Variants in PCARE observed in about 807,000 individuals in gnomAD.
The protein encoded by PCARE is uncharacterized protein C2orf71.
Under a neutral mutation model 82.2 loss-of-function variants are expected in PCARE, and 72 were observed. That is an observed-to-expected ratio of 0.88 (90% confidence interval 0.72 to 1.07). PCARE has a LOEUF of 1.07. Among genes scored for constraint, PCARE ranks in the 50% least tolerant of loss-of-function variants. The pLI, the probability that PCARE is intolerant of heterozygous loss-of-function variation, is 0.00. For synonymous variants in PCARE, 705 were observed against 634.8 expected (o/e 1.11, Z -1.66); for missense variants, 1,768 against 1,592.4 (o/e 1.11, Z -1.88).
chr2:29,064,837 G>T lies in PCARE; in HGVS notation c.*32C>A, dbSNP rs1225121690. On this transcript the variant is annotated 3_prime_UTR_variant, in exon 2 of 2. Transcript: ENST00000331664. ...GCTGTCACACTTGGCCTTCTGGGGT[G>T]ACTGCGTGAGTGTGGCCCCCTCGTC... 1.2e-6 allele frequency: 2 copies of T among 1,607,750 alleles called. No individual in the cohort carries two copies. Among genetic ancestry groups the T allele is most frequent in the South Asian group, 2.2e-5 (2 of 90,936 alleles).
intron 1 of PCARE, 94 bp from the exon 2 acceptor site, chr2:29,065,161 C>A (rs919478490): frequency 1.2e-5 from 16 of 1,375,212 alleles, no homozygotes; most frequent in Non-Finnish European, 1.6e-5. Context: ...TTCTGTCCCT[C>A]CCCAGCCCTC....
rs1667314624 is a variant in PCARE, at chr2:29,061,903, AG to A, written c.*2965del. The A allele has an allele frequency of 2.0e-5, 3 of 152,222 alleles. No individual in the cohort carries two copies. In the South Asian group the frequency reaches 6.2e-4, roughly 32 times the overall value. The allele number at this position is 152,222 out of a possible 1,614,324, so 9.4% of individuals were successfully genotyped here. ...CCTGCCACCAGCAATGCGTGCTCCAAGGCAGACTCAAGTTTGTGGAAGACCT... is the reference window on the plus strand; with the variant it reads ...CCTGCCACCAGCAATGCGTGCTCCAAGCAGACTCAAGTTTGTGGAAGACCT... On this transcript the variant is annotated 3_prime_UTR_variant, in exon 2 of 2. Transcript: ENST00000331664.
Position 29,073,690 on chromosome 2 carries a change from A to G in PCARE, c.572T>C (p.Leu191Pro). 6.2e-7 allele frequency: 1 copy of G among 1,614,166 alleles called. No individual in the cohort carries two copies. The highest frequency in any genetic ancestry group is 8.5e-7 in the Non-Finnish European group (1 of 1,180,032). ...VKAHQQAYTY[L>P]HSSLSKYEAI... is the part of the protein sequence containing the mutation. ...TTCATATTTGGAGAGGCTGGAGTGT[A>G]GATAGGTGTAAGCCTGCTGGTGGGC... The change falls in exon 1 of 2, where the codon CTA becomes CCA. Residue 191 changes from leucine to proline, a missense_variant. Physicochemically the swap from Leu to Pro is moderately conservative, Grantham distance 98 (BLOSUM62 -3). Transcript: ENST00000331664.
In PCARE at chr2:29,064,942, G is replaced by T. The variant is rs753843724; in HGVS notation, c.3794C>A (p.Pro1265Gln). ...CTGGATGTGGCCGGTCCGAGGCTCC[G>T]GTTGCAGCCCGTGGCCCAGCACACA... ...EFCVLGHGLQ[P>Q]EPRTGHIQDK... Residue 1265 changes from proline to glutamine, a missense_variant, in exon 2 of 2, where the codon CCG (proline) becomes CAG (glutamine). By Grantham distance (76) the Pro-to-Gln change is moderately conservative (BLOSUM62 -1). Coordinates refer to ENST00000331664, the MANE Select transcript of PCARE (RefSeq NM_001029883.3). The T allele has an allele frequency of 6.2e-7, 1 of 1,609,530 alleles. No homozygotes were observed. Among genetic ancestry groups the T allele is most frequent in the Non-Finnish European group, 8.5e-7 (1 of 1,178,494 alleles).
chr2:29,064,808 C>T lies in PCARE; in HGVS notation c.*61G>A. On this transcript the variant is annotated 3_prime_UTR_variant, in exon 2 of 2. Transcript: ENST00000331664. ...CATCATCTCTGGGTCAGGCTGGACA[C>T]TTGGCTGTCACACTTGGCCTTCTGG... The T allele has an allele frequency of 1.3e-6, 2 of 1,599,672 alleles. No individual in the cohort carries two copies. Among genetic ancestry groups the T allele is most frequent in the Non-Finnish European group, 1.7e-6 (2 of 1,177,154 alleles).
chr2:29,067,860 A>G (rs912039526), intron 1 of PCARE, among the ~76,000 whole-genome samples: 1 of 152,074 alleles, frequency 6.6e-6, no homozygotes, highest in Non-Finnish European at 1.5e-5. Flanking sequence ...CTCTCTTTCA[A>G]GCCACTGTTA....
In PCARE at chr2:29,072,270, G is replaced by T; in HGVS notation, c.1992C>A (p.Ser664Arg). The T allele has an allele frequency of 6.2e-7, 1 of 1,614,260 alleles. No homozygotes were observed. The highest frequency in any genetic ancestry group is 1.1e-5 in the South Asian group (1 of 91,088). The change falls in exon 1 of 2, where the codon AGC (serine) becomes AGA (arginine). Residue 664 changes from serine to arginine, a missense_variant. Transcript: ENST00000331664. The stretch of plus-strand genomic sequence containing the variant: ...TCTTGGTGAGGGATGCCTTGAGCCT[G>T]CTGGTGGTGTTGCTTGGACTGACCC... ...TCRVSPSNTTSRLKASLTKNF... is the reference protein window; with the variant it reads ...TCRVSPSNTTRRLKASLTKNF...
rs1667475166 is a variant in PCARE at position 29,071,275 on chromosome 2, G to GGA, written c.2985_2986dup (p.Pro996LeufsTer40). 6.2e-7 allele frequency: 1 copy of GGA among 1,613,394 alleles called. No individual in the cohort carries two copies. The highest frequency in any genetic ancestry group is 8.5e-7 in the Non-Finnish European group (1 of 1,179,944). On this transcript the variant is annotated frameshift_variant, in exon 1 of 2. Coordinates refer to ENST00000331664, the MANE Select transcript of PCARE (RefSeq NM_001029883.3). LOFTEE classifies it high-confidence loss of function. ...TTGAGGCACCCAGTGTGTCCTCGTGGGAGAGGCCTTTCTGCCCACAGGGGG... is the reference window on the plus strand; with the variant it reads ...TTGAGGCACCCAGTGTGTCCTCGTGGGAGAGAGGCCTTTCTGCCCACAGGGGG...
rs530658239 is a variant in PCARE, at chr2:29,071,733, G to T, written c.2529C>A (p.Phe843Leu). The T allele has an allele frequency of 3.7e-6, 6 of 1,613,844 alleles. No individual in the cohort carries two copies. The change falls in exon 1 of 2, where the codon TTC becomes TTA. Residue 843 changes from phenylalanine to leucine, a missense_variant. Coordinates refer to ENST00000331664, the MANE Select transcript of PCARE (RefSeq NM_001029883.3). ...PPMEVLMDKS[F>L]ASLESPESSK... ...TGCTTTCTGGGGACTCCAGAGAAGC[G>T]AATGATTTGTCCATCAGAACTTCCA... is the stretch of plus-strand genomic sequence containing the variant.
At chr2:29,069,867 A>G (rs1667443031) in intron 1 of PCARE, among the ~76,000 whole-genome samples, 1 of 152,138 alleles carries the variant, frequency 6.6e-6, no homozygotes, top group Non-Finnish European at 1.5e-5. Flanking sequence ...GCTCTTAATA[A>G]CTTTAAAGGG....
Position 29,063,851 on chromosome 2 carries a change from GA to G in PCARE, c.*1017del, listed in dbSNP as rs1229651600. 4 of 152,502 alleles carry G rather than the reference GA, an allele frequency of 2.6e-5. No homozygotes were observed. In the East Asian group the frequency reaches 5.8e-4, roughly 22 times the overall value. 9.4% of individuals were successfully genotyped at this position (152,502 alleles called of 1,614,324 possible). On this transcript the variant is annotated 3_prime_UTR_variant, in exon 2 of 2. Coordinates refer to ENST00000331664, the MANE Select transcript of PCARE (RefSeq NM_001029883.3). ...GCAGAAGTTCTGCAAGATGACCTGG[GA>G]ATAAAGTTGGCCAAGAAGCCTCCGA... is the stretch of plus-strand genomic sequence containing the variant.
rs764141052 is a variant in PCARE at position 29,073,736 on chromosome 2, A to G, written c.526T>C (p.Phe176Leu). 6.2e-7 allele frequency: 1 copy of G among 1,614,182 alleles called. No individual in the cohort carries two copies. Among genetic ancestry groups the G allele is most frequent in the East Asian group, 2.2e-5 (1 of 44,876 alleles). Residue 176 changes from phenylalanine (F) to leucine (L), a missense_variant, in exon 1 of 2, where the codon TTC becomes CTC. Coordinates refer to ENST00000331664, the MANE Select transcript of PCARE (RefSeq NM_001029883.3). Reference sequence around the variant, plus strand: ...TGGGCCTTTACCAGAGGCTCCGGGAAGTCCACTTTGCCTTCAGGCTCATGA... The same window carrying G: ...TGGGCCTTTACCAGAGGCTCCGGGAGGTCCACTTTGCCTTCAGGCTCATGA... ...PAHEPEGKVD[F>L]PEPLVKAHQQ...
chr2:29,073,922 T>C lies in PCARE; in HGVS notation c.340A>G (p.Ile114Val). The change falls in exon 1 of 2, where the codon ATT becomes GTT. Residue 114 changes from isoleucine (I) to valine (V), a missense_variant. Ile to Val is a conservative substitution (Grantham distance 29). Transcript: ENST00000331664. Reference protein sequence around the residue: ...NKSQSHMAKDIPFKTQGSHGS... With the variant: ...NKSQSHMAKDVPFKTQGSHGS... ...TGGGAACCCTGTGTCTTGAACGGAA[T>C]ATCCTTAGCCATGTGGCTTTGTGAT... 1.2e-6 allele frequency: 2 copies of C among 1,614,252 alleles called. No homozygotes were observed. The highest frequency in any genetic ancestry group is 1.7e-6 in the Non-Finnish European group (2 of 1,180,028).
At position 29,071,433 on chromosome 2, in the gene PCARE, C is replaced by T. The variant is rs756040781; in HGVS notation, c.2829G>A (p.Gln943=). Residue 943 remains glutamine (Q), a synonymous_variant, in exon 1 of 2, where the codon CAG becomes CAA. Coordinates refer to ENST00000331664, the MANE Select transcript of PCARE (RefSeq NM_001029883.3). The stretch of plus-strand genomic sequence containing the variant: ...TGTAGAGGCTGGTGGCCTTCTCTGC[C>T]TGACTCCAAGTCCCACCCTTCACCT... ...SPEVKGGTWS[Q]AEKATSLYRQ... is the part of the protein sequence containing the mutation. The T allele has an allele frequency of 1.2e-6, 2 of 1,613,356 alleles. No homozygotes were observed. Among genetic ancestry groups the T allele is most frequent in the Non-Finnish European group, 1.7e-6 (2 of 1,179,976 alleles).
In PCARE at chr2:29,071,201, G is replaced by C. The variant is rs1346409102; in HGVS notation, c.3061C>G (p.Pro1021Ala). 2 of 1,601,182 alleles carry C rather than the reference G, an allele frequency of 1.2e-6. No homozygotes were observed. The highest frequency in any genetic ancestry group is 3.4e-5 in the Admixed American group (2 of 59,184). Reference protein sequence around the residue: ...SLPSSYRPAQPSPSAVQTPPS... With the variant: ...SLPSSYRPAQASPSAVQTPPS... ...GGCGTCTGCACAGCAGAGGGGCTTG[G>C]CTGGGCAGGTCTGTAAGAGGAGGGA... is the stretch of plus-strand genomic sequence containing the variant. The change falls in exon 1 of 2, where the codon CCA becomes GCA. Residue 1021 changes from proline (P) to alanine (A), a missense_variant. Physicochemically the swap from Pro to Ala is conservative, Grantham distance 27. Transcript: ENST00000331664.
rs758276598 is a variant in PCARE, at chr2:29,070,964, T to G, written c.3298A>C (p.Lys1100Gln). ...SPPMSPSQEH[K>Q]ETRDSEDSQA... ...CTGTCTTCAGAGTCTCTTGTTTCCT[T>G]GTGCTCCTGAGAAGGGGACATTGGG... Residue 1100 changes from lysine to glutamine, a missense_variant, in exon 1 of 2, where the codon AAG becomes CAG. Physicochemically the swap from Lys to Gln is moderately conservative, Grantham distance 53. Transcript: ENST00000331664. 3 of 1,607,588 alleles carry G rather than the reference T, an allele frequency of 1.9e-6. No individual in the cohort carries two copies. In the East Asian group the frequency reaches 6.8e-5, roughly 36 times the overall value.
In PCARE at chr2:29,071,297, G is replaced by A. The variant is rs184281410; in HGVS notation, c.2965C>T (p.Pro989Ser). ...GTGGGAGAGGCCTTTCTGCCCACAG[G>A]GGGGCTTCTCTCTCGGCTCTGCCTT... ...RPRQSRERSP[P>S]VGRKASPTRT... The change falls in exon 1 of 2, where the codon CCT (proline) becomes TCT (serine). Residue 989 changes from proline (P) to serine (S), a missense_variant. Physicochemically the swap from Pro to Ser is moderately conservative, Grantham distance 74. Transcript: ENST00000331664. The A allele has an allele frequency of 8.7e-6, 14 of 1,613,346 alleles. No homozygotes were observed. Among genetic ancestry groups the A allele is most frequent in the African/African-American group, 6.7e-5 (5 of 74,930 alleles).
chr2:29,064,713 T>C lies in PCARE; in HGVS notation c.*156A>G. Reference sequence around the variant, plus strand: ...GACTGAAAACGGCGATTGTTTAAAATTCAGCAGACCCACTGGGCAGTGCAC... The same window carrying C: ...GACTGAAAACGGCGATTGTTTAAAACTCAGCAGACCCACTGGGCAGTGCAC... On this transcript the variant is annotated 3_prime_UTR_variant, in exon 2 of 2. Coordinates refer to ENST00000331664, the MANE Select transcript of PCARE (RefSeq NM_001029883.3). 2 of 937,044 alleles carry C rather than the reference T, an allele frequency of 2.1e-6. No homozygotes were observed. The highest frequency in any genetic ancestry group is 3.2e-6 in the Non-Finnish European group (2 of 619,362). 58.0% of individuals were successfully genotyped at this position (937,044 alleles called of 1,614,324 possible). A position where few individuals can be genotyped will look rare whatever the true frequency, so the allele number is the denominator to read the frequency against.
In PCARE at chr2:29,065,052, G is replaced by A. The variant is rs1572822197; in HGVS notation, c.3684C>T (p.Ser1228=). The A allele has an allele frequency of 6.5e-7, 1 of 1,535,980 alleles. No homozygotes were observed. Among genetic ancestry groups the A allele is most frequent in the East Asian group, 2.5e-5 (1 of 39,882 alleles). Residue 1228 remains serine (S), a synonymous_variant, in exon 2 of 2, where the codon AGC becomes AGT. Coordinates refer to ENST00000331664, the MANE Select transcript of PCARE (RefSeq NM_001029883.3). ...TCCCCGGCTCTGTGTCCTTCTTAGG[G>A]CTCTCCTCGCTGCTGCTGCCGAGAG... The part of the protein sequence containing the change: ...QLGQNSSSEE[S]PKKDTEPGSS...
Sources: allele counts gnomAD v4.1 joint callset (sites outside exome capture counted in the v4.1 genomes callset), GRCh38; gene constraint gnomAD v4.1.1; transcripts MANE v1.5; gene names NCBI Gene and HGNC (gene_info 2026-07-23, HGNC 2026-07-21).